The following CCNY variants were observed in gnomAD, a reference collection of about 807,000 sequenced individuals.
CCNY encodes cyclin Y.
A neutral mutation model predicts 42.8 loss-of-function variants in CCNY; 19 were observed. That is an observed-to-expected ratio of 0.44 (90% CI 0.31 to 0.65). CCNY has a LOEUF of 0.65. Ranked by LOEUF, CCNY falls within the 30% of genes least tolerant of loss-of-function variation. The probability of loss-of-function intolerance (pLI) is 0.07; values close to 1 mark genes in which losing one functional copy is unlikely to be tolerated. For missense variants in CCNY, 370 were observed against 437.3 expected (o/e 0.85, Z 1.37); for synonymous variants, 165 against 162.7 (o/e 1.01, Z -0.11).
intron 1 of CCNY, among the ~76,000 whole-genome samples, chr10:35,342,540 A>G (rs1333813215): frequency 3.3e-5 from 5 of 152,234 alleles, no homozygotes; most frequent in Admixed American, 2.6e-4. Flanking sequence ...ACTTAGAATC[A>G]GGGAGTCGTT....
chr10:35,453,531 A>G (rs1838964212), intron 1 of CCNY, among the ~76,000 whole-genome samples: 1 of 152,222 alleles, frequency 6.6e-6, no homozygotes. Context: ...AATGACTCAA[A>G]AGTTTTGGGT....
intron 3 of CCNY, among the ~76,000 whole-genome samples, chr10:35,270,874 C>A (rs1012895340): frequency 2.0e-5 from 3 of 151,544 alleles, no homozygotes; most frequent in Non-Finnish European, 2.9e-5. Context: ...TACAGGCGCC[C>A]GCCACCACAC....
rs111923041 is a variant in CCNY at position 35,346,173 on chromosome 10, C to T, written c.154+8966C>T. ...ACCTAAAATAATAAGATCAAGCGTTCCTCAGCAGGTTATTAGGGGCTGTTG... is the reference window on the plus strand; with the variant it reads ...ACCTAAAATAATAAGATCAAGCGTTTCTCAGCAGGTTATTAGGGGCTGTTG... On this transcript the variant is annotated intron_variant, in intron 1 of 9. Transcript: ENST00000374704. 3.4e-3 allele frequency among the ~76,000 whole-genome samples: 511 copies of T among 152,248 alleles called. 4 individuals are homozygous for T. Among genetic ancestry groups the T allele is most frequent in the African/African-American group, 0.012 (481 of 41,538 alleles).
chr10:35,406,567 A>G (rs973328721), intron 1 of CCNY, among the ~76,000 whole-genome samples: 12 of 152,264 alleles, frequency 7.9e-5, no homozygotes, highest in Middle Eastern at 6.8e-3. Flanking sequence ...GATCAACAGG[A>G]TCCCAAGGCA....
At chr10:35,558,117 A>G (rs1488373835) in intron 8 of CCNY, among the ~76,000 whole-genome samples, 1 of 152,226 alleles carries the variant, frequency 6.6e-6, no homozygotes, top group Non-Finnish European at 1.5e-5. Flanking sequence ...GAAAGCAAAA[A>G]CTGGAAACCA....
intron 1 of CCNY, among the ~76,000 whole-genome samples, chr10:35,427,475 A>C (rs1450179959): frequency 6.6e-6 from 1 of 152,216 alleles, no homozygotes; most frequent in Non-Finnish European, 1.5e-5. Context: ...GACCTTGGGC[A>C]CTTAAGTTAC....
chr10:35,286,950 G>A (rs1835362016), intron 3 of CCNY, among the ~76,000 whole-genome samples: 1 of 152,178 alleles, frequency 6.6e-6, no homozygotes, highest in Non-Finnish European at 1.5e-5. Context: ...GCAAGCCATA[G>A]AAAGTAGAGA....
At chr10:35,445,417 AG>A (rs1262337498) in intron 1 of CCNY, among the ~76,000 whole-genome samples, 1 of 152,172 alleles carries the variant, frequency 6.6e-6, no homozygotes, top group Non-Finnish European at 1.5e-5. Flanking sequence ...GCAAAATGTA[AG>A]GGTTAGGGGA....
intron 1 of CCNY, among the ~76,000 whole-genome samples, chr10:35,348,008 T>C (rs1377294803): frequency 6.6e-6 from 1 of 152,236 alleles, no homozygotes. Context: ...ATTCCTTTCA[T>C]TTACAGTGAG....
chr10:35,273,144 A>G (rs1192117938), intron 3 of CCNY, among the ~76,000 whole-genome samples: 2 of 150,822 alleles, frequency 1.3e-5, no homozygotes, highest in Admixed American at 6.6e-5. Context: ...CTAAATGCCT[A>G]TTTCTCCTTA....
At chr10:35,266,039 G>C (rs1208407956) in intron 3 of CCNY, among the ~76,000 whole-genome samples, 1 of 151,982 alleles carries the variant, frequency 6.6e-6, no homozygotes, top group East Asian at 1.9e-4. Flanking sequence ...TGACAGAAAA[G>C]AATTTACATG....
rs1836667662 is a variant in CCNY, at chr10:35,360,776, TAAAG to T, written c.154+23573_154+23576del. Among the ~76,000 whole-genome samples, 3 of 152,040 alleles carry T rather than the reference TAAAG, an allele frequency of 2.0e-5. No individual in the cohort carries two copies. In the South Asian group the frequency reaches 6.2e-4, roughly 32 times the overall value. On this transcript the variant is annotated intron_variant, in intron 1 of 9. Coordinates refer to ENST00000374704, the MANE Select transcript of CCNY (RefSeq NM_145012.6). Reference sequence around the variant, plus strand: ...ATATGATTATATACAATGTATAACTTAAAGAAAATTTGATAATATATTAATATGT... The same window carrying T: ...ATATGATTATATACAATGTATAACTTAAAATTTGATAATATATTAATATGT...
chr10:35,264,287 G>T (rs1222555630), intron 3 of CCNY, among the ~76,000 whole-genome samples: 1 of 151,986 alleles, frequency 6.6e-6, no homozygotes, highest in Non-Finnish European at 1.5e-5. Flanking sequence ...TGCACAATGT[G>T]CAGGTTTGTT....
At position 35,400,438 on chromosome 10, in the gene CCNY, C is replaced by G. The variant is rs149798266; in HGVS notation, c.154+63231C>G. On this transcript the variant is annotated intron_variant, in intron 1 of 9. Coordinates refer to ENST00000374704, the MANE Select transcript of CCNY (RefSeq NM_145012.6). ...AAGAGGGAGAGAAGATGCTTCACGT[C>G]GTGGAATGGAGCCTTGTAATTGCTG... 3.3e-3 allele frequency among the ~76,000 whole-genome samples: 495 copies of G among 152,196 alleles called. 2 individuals are homozygous for G. The highest frequency in any genetic ancestry group is 0.012 in the African/African-American group (486 of 41,530).
In CCNY at chr10:35,258,614, C is replaced by T. The variant is rs372366182; in HGVS notation, c.-9+7988C>T. Among the ~76,000 whole-genome samples the T allele has an allele frequency of 7.2e-5, 11 of 152,228 alleles. No homozygotes were observed. The East Asian group carries it at 1.4e-3, about 19-fold the overall frequency. On this transcript the variant is annotated intron_variant, in intron 3 of 11. Transcript: ENST00000374706. ...TAGTTGGAGGATAGGGCTTCTTTGCCGACCCTGGCTCCTGCAAGTTGGTTC... is the reference window on the plus strand; with the variant it reads ...TAGTTGGAGGATAGGGCTTCTTTGCTGACCCTGGCTCCTGCAAGTTGGTTC...
chr10:35,464,623 C>T (rs567742017), intron 1 of CCNY, among the ~76,000 whole-genome samples: 10 of 151,272 alleles, frequency 6.6e-5, no homozygotes, highest in South Asian at 2.1e-4. Context: ...TTATGCCCTT[C>T]GCCTGCTCCC....
At chr10:35,370,555 A>G (rs1028334305) in intron 1 of CCNY, among the ~76,000 whole-genome samples, 1 of 151,942 alleles carries the variant, frequency 6.6e-6, no homozygotes, top group Admixed American at 6.5e-5. Context: ...AATTTAGCTA[A>G]CTATAGACCT....
chr10:35,523,808 T>C (rs1453484258), intron 4 of CCNY, among the ~76,000 whole-genome samples: 1 of 152,242 alleles, frequency 6.6e-6, no homozygotes, highest in Non-Finnish European at 1.5e-5. Context: ...TGTATTGTTC[T>C]AATTTTATAA....
intron 1 of CCNY, among the ~76,000 whole-genome samples, chr10:35,361,934 G>GCCAC (rs1473857495): frequency 2.0e-5 from 3 of 152,194 alleles, no homozygotes. Flanking sequence ...CCAACATGAT[G>GCCAC]CCACAAGTGG....
Sources: allele counts gnomAD v4.1 joint callset (sites outside exome capture counted in the v4.1 genomes callset), GRCh38; gene constraint gnomAD v4.1.1; transcripts MANE v1.5; gene names NCBI Gene and HGNC (gene_info 2026-07-23, HGNC 2026-07-21).